The following EVC2 variants were observed in gnomAD, a reference collection of about 807,000 sequenced individuals.
The protein encoded by EVC2 is limbin.
EVC2 carries 148 observed loss-of-function variants against 149.3 expected under a neutral mutation model. That is an observed-to-expected ratio of 0.99 (90% CI 0.87 to 1.14). EVC2 has a LOEUF of 1.14. EVC2 is among the 50% of genes most tolerant of loss of function. The pLI, the probability that EVC2 is intolerant of heterozygous loss-of-function variation, is 0.00. For missense variants in EVC2, 1,854 were observed against 1,627.3 expected (o/e 1.14, Z -2.40); for synonymous variants, 776 against 649.9 (o/e 1.19, Z -2.95).
At chr4:5,595,927 T>G in intron 16 of EVC2, among the ~76,000 whole-genome samples, 1 of 152,146 alleles carries the variant, frequency 6.6e-6, no homozygotes, top group Non-Finnish European at 1.5e-5. Flanking sequence ...TCCTAGTCTC[T>G]GATAAAACAG....
At chr4:5,549,143 AAACT>A (rs1293156479) in intron 21 of EVC2, among the ~76,000 whole-genome samples, 2 of 152,224 alleles carry the variant, frequency 1.3e-5, no homozygotes, top group East Asian at 3.8e-4. Context: ...AGCAACAATA[AAACT>A]AACCTACAAT....
At chr4:5,571,637 G>A (rs1236266023) in intron 19 of EVC2, among the ~76,000 whole-genome samples, 3 of 152,080 alleles carry the variant, frequency 2.0e-5, no homozygotes, top group Non-Finnish European at 4.4e-5. Flanking sequence ...ATGGAGGACT[G>A]AGCTTCCCTG....
At chr4:5,554,525 G>GAA (rs1315909864) in intron 21 of EVC2, among the ~76,000 whole-genome samples, 2 of 152,190 alleles carry the variant, frequency 1.3e-5, no homozygotes, top group Admixed American at 6.5e-5. Context: ...GGCTCTGGGA[G>GAA]AAAGAGTAGA....
At chr4:5,672,280 G>A (rs573539461) in intron 7 of EVC2, among the ~76,000 whole-genome samples, 11 of 152,332 alleles carry the variant, frequency 7.2e-5, no homozygotes, top group Non-Finnish European at 1.0e-4. Context: ...GCCTGAAGCC[G>A]GCAAGAGAAG....
At chr4:5,549,839 CAT>C (rs550214759) in intron 21 of EVC2, among the ~76,000 whole-genome samples, 3 of 152,192 alleles carry the variant, frequency 2.0e-5, no homozygotes, top group African/African-American at 7.2e-5. Context: ...TGAATTCCCA[CAT>C]GTTGTGGGAG....
chr4:5,531,746 A>T, the EVC2 span, among the ~76,000 whole-genome samples: 3 of 151,942 alleles, frequency 2.0e-5, no homozygotes, highest in African/African-American at 7.2e-5. Flanking sequence ...GCTCCCACTG[A>T]TCTACATTAT....
intron 17 of EVC2, among the ~76,000 whole-genome samples, chr4:5,579,776 G>A (rs1023868511): frequency 6.6e-6 from 1 of 152,212 alleles, no homozygotes; most frequent in African/African-American, 2.4e-5. Context: ...AGGAGGTGGA[G>A]GTTGCAGTCA....
At chr4:5,591,724 G>A (rs527976476) in intron 16 of EVC2, among the ~76,000 whole-genome samples, 128 of 152,242 alleles carry the variant, frequency 8.4e-4, no homozygotes, top group African/African-American at 2.9e-3. Flanking sequence ...CCAGCACCAT[G>A]AGAATGTGTC....
At chr4:5,695,255 G>C (rs1721397804) in intron 2 of EVC2, among the ~76,000 whole-genome samples, 1 of 151,966 alleles carries the variant, frequency 6.6e-6, no homozygotes, top group Admixed American at 6.6e-5. Context: ...GGGTGAGGCA[G>C]GGGAATCGCT....
intron 14 of EVC2, among the ~76,000 whole-genome samples, chr4:5,621,828 G>A (rs1363232265): frequency 6.6e-6 from 1 of 152,012 alleles, no homozygotes; most frequent in Non-Finnish European, 1.5e-5. Flanking sequence ...TGGGCAACAG[G>A]GTGAGACCCC....
At chr4:5,706,665 G>A (rs1213563715) in intron 1 of EVC2, among the ~76,000 whole-genome samples, 1 of 152,066 alleles carries the variant, frequency 6.6e-6, no homozygotes, top group East Asian at 1.9e-4. Flanking sequence ...ACAAGAGGGA[G>A]TGGCCAAGGC....
chr4:5,602,291 TAAAAAAAAAAAA>T (rs571933194), intron 16 of EVC2, among the ~76,000 whole-genome samples: 109 of 81,700 alleles, frequency 1.3e-3, no homozygotes, highest in East Asian at 0.012. Context: ...CATTGCCTCT[TAAAAAAAAAAAA>T]AAAAAAAAAA....
chr4:5,651,968 T>A (rs1718174687), intron 9 of EVC2, among the ~76,000 whole-genome samples: 1 of 152,188 alleles, frequency 6.6e-6, no homozygotes, highest in Non-Finnish European at 1.5e-5. Flanking sequence ...ATATCACCAA[T>A]CCAGGCTAAA....
intron 14 of EVC2, among the ~76,000 whole-genome samples, chr4:5,621,078 G>A (rs55715290): frequency 1.3e-3 from 193 of 152,296 alleles, no homozygotes; most frequent in Non-Finnish European, 2.4e-3. Flanking sequence ...AGATGGGAAA[G>A]GGCCAAAGGT....
rs183572203 is a variant in EVC2, at chr4:5,612,794, C to T, written c.2829+2628G>A. 8.7e-3 allele frequency among the ~76,000 whole-genome samples: 1,316 copies of T among 151,600 alleles called. 16 individuals are homozygous for T. Among genetic ancestry groups the T allele is most frequent in the African/African-American group, 0.03 (1,223 of 41,372 alleles). On this transcript the variant is annotated intron_variant, in intron 16 of 21. Transcript: ENST00000344408. ...AAAATTAGCCGGGAGTAGTAGCGGGCGCCTGTAGTCCCAGCTACTTGGGAG... is the reference window on the plus strand; with the variant it reads ...AAAATTAGCCGGGAGTAGTAGCGGGTGCCTGTAGTCCCAGCTACTTGGGAG...
At chr4:5,615,390 G>C (rs762220679) in intron 16 of EVC2, 32 bp downstream of exon 16, 5 of 1,613,896 alleles carry the variant, frequency 3.1e-6, no homozygotes, top group Non-Finnish European at 4.2e-6. Flanking sequence ...CATGTGCAGA[G>C]AGAAACAGCT....
intron 16 of EVC2, among the ~76,000 whole-genome samples, chr4:5,590,845 C>T (rs1170924791): frequency 6.6e-6 from 1 of 152,134 alleles, no homozygotes; most frequent in Non-Finnish European, 1.5e-5. Context: ...ATTGCCTCCC[C>T]AGCCCTCAGG....
rs1359912051 is a variant in EVC2 at position 5,622,707 on chromosome 4, C to G, written c.2331G>C (p.Leu777=). 2 of 1,614,046 alleles carry G rather than the reference C, an allele frequency of 1.2e-6. No homozygotes were observed. Among genetic ancestry groups the G allele is most frequent in the African/African-American group, 2.7e-5 (2 of 74,910 alleles). Residue 777 remains leucine (L), a synonymous_variant, in exon 14 of 22, where the codon CTG becomes CTC. Transcript: ENST00000344408. This position sits in a 1 kb window ranked among gnomAD's most constrained non-coding sequence, Gnocchi z 5.8. ...CAGCCATCTCCTTGCCGTGCTCCTC[C>G]AGGATCTGCTGCAGGAAGAGCCAGG... ...GVPWLFLQQI[L]EEHGKEMAAR... is the part of the protein sequence containing the mutation.
intron 6 of EVC2, among the ~76,000 whole-genome samples, chr4:5,682,766 G>A (rs1043780961): frequency 1.3e-5 from 2 of 151,676 alleles, no homozygotes; most frequent in African/African-American, 4.8e-5. Context: ...GGCTGAGAGA[G>A]GAGAATCGCT....
Sources: gnomAD v4.1 joint callset for allele counts (sites outside exome capture counted in the v4.1 genomes callset) on GRCh38, gnomAD v4.1.1 for gene constraint, Gnocchi (gnomAD v3.1) non-coding constraint, MANE v1.5 for transcripts, NCBI Gene and HGNC (gene_info 2026-07-23, HGNC 2026-07-21) for gene names.